The following CHODL variants were observed in gnomAD, a reference collection of about 807,000 sequenced individuals.
The protein encoded by CHODL is chondrolectin.
Under a neutral mutation model 34.5 loss-of-function variants are expected in CHODL, and 29 were observed. That is an observed-to-expected ratio of 0.84 (90% CI 0.63 to 1.15). The LOEUF is 1.15. Ranked by LOEUF, CHODL falls within the 50% of genes most tolerant of loss-of-function variation. The pLI is 0.00. For synonymous variants in CHODL, 125 were observed against 116.1 expected (o/e 1.08, Z -0.49); for missense variants, 332 against 332.5 (o/e 1.00, Z 0.01).
chr21:18,244,066 C>G (rs575316473), upstream of CHODL, among the ~76,000 whole-genome samples: 1 of 152,272 alleles, frequency 6.6e-6, no homozygotes, highest in African/African-American at 2.4e-5. Flanking sequence ...CTTGGGTAGA[C>G]TGTTTTAATA....
intron 1 of CHODL, among the ~76,000 whole-genome samples, chr21:17,995,307 G>A (rs1042815049): frequency 6.6e-5 from 10 of 152,204 alleles, no homozygotes; most frequent in African/African-American, 1.9e-4. Flanking sequence ...ATATGTGAGG[G>A]CCATGGGGCT....
chr21:18,014,116 T>C (rs1344869256), intron 1 of CHODL, among the ~76,000 whole-genome samples: 3 of 152,110 alleles, frequency 2.0e-5, no homozygotes, highest in African/African-American at 7.2e-5. Flanking sequence ...AAGGGAGGTA[T>C]CAGTGTTGAG....
At chr21:18,181,823 CT>C (rs1244648721) in intron 2 of CHODL, among the ~76,000 whole-genome samples, 1 of 152,182 alleles carries the variant, frequency 6.6e-6, no homozygotes, top group Non-Finnish European at 1.5e-5. Flanking sequence ...ACTTCTTTCA[CT>C]TAGGCTAATT....
In CHODL at chr21:17,986,568, C is replaced by A. The variant is rs1251404622; in HGVS notation, c.-144-41304C>A. On this transcript the variant is annotated intron_variant, in intron 1 of 6. Transcript: ENST00000400127. ...CTTTCTTAATCCAGTCTGTCATGGA[C>A]GGACATTTGGGTTGGTTCCAAGTCT... Among the ~76,000 whole-genome samples, 5 of 152,240 alleles carry A rather than the reference C, an allele frequency of 3.3e-5. No homozygotes were observed. In the South Asian group the frequency reaches 1.0e-3, roughly 32 times the overall value.
At chr21:18,154,538 C>T (rs1311292069) in intron 2 of CHODL, among the ~76,000 whole-genome samples, 1 of 152,028 alleles carries the variant, frequency 6.6e-6, no homozygotes, top group East Asian at 1.9e-4. Flanking sequence ...TTCAAAAGCC[C>T]CCAGATACAG....
At chr21:17,925,741 C>T (rs1309470997) in intron 1 of CHODL, among the ~76,000 whole-genome samples, 2 of 152,164 alleles carry the variant, frequency 1.3e-5, no homozygotes, top group Non-Finnish European at 2.9e-5. Context: ...ACATTTTATA[C>T]AGGCAATCCA....
intron 2 of CHODL, among the ~76,000 whole-genome samples, chr21:18,148,483 A>C (rs532657704): frequency 6.6e-6 from 1 of 152,160 alleles, no homozygotes; most frequent in South Asian, 2.1e-4. Flanking sequence ...GACTTGGGGG[A>C]GAATTTGTAG....
chr21:18,126,416 G>A (rs1045764493), intron 2 of CHODL, among the ~76,000 whole-genome samples: 5 of 152,108 alleles, frequency 3.3e-5, no homozygotes, highest in South Asian at 2.1e-4. Flanking sequence ...AAAAAATTGT[G>A]CAACTTGCTT....
intron 2 of CHODL, among the ~76,000 whole-genome samples, chr21:18,192,025 G>C (rs1432341231): frequency 6.6e-6 from 1 of 152,168 alleles, no homozygotes; most frequent in African/African-American, 2.4e-5. Flanking sequence ...TGAGAAAGAG[G>C]AAGGCAAGTA....
At chr21:18,255,170 T>C (rs755932645) in intron 1 of CHODL, among the ~76,000 whole-genome samples, 1 of 152,068 alleles carries the variant, frequency 6.6e-6, no homozygotes, top group Non-Finnish European at 1.5e-5. Context: ...CCCTTCCAAA[T>C]TCAGAGTATT....
intron 2 of CHODL, among the ~76,000 whole-genome samples, chr21:18,095,912 G>A (rs1032312785): frequency 1.2e-4 from 18 of 152,124 alleles, no homozygotes; most frequent in South Asian, 2.1e-4. Context: ...CCATATGATC[G>A]TTTCAGTTGA....
intron 2 of CHODL, among the ~76,000 whole-genome samples, chr21:18,136,117 A>AG (rs1555875211): frequency 8.6e-5 from 12 of 140,220 alleles, no homozygotes; most frequent in Non-Finnish European, 1.9e-4. Context: ...AAAAAAAAAA[A>AG]AGAAAAAGAA....
chr21:17,977,108 T>A (rs575442845), intron 1 of CHODL, among the ~76,000 whole-genome samples: 33 of 152,290 alleles, frequency 2.2e-4, no homozygotes, highest in African/African-American at 7.7e-4. Context: ...TGCTTTTATA[T>A]TTATGGAACC....
rs541282557 is a variant in CHODL at position 18,070,035 on chromosome 21, CA to C, written c.-45+42065del. On this transcript the variant is annotated intron_variant, in intron 2 of 6. Coordinates refer to the CHODL transcript ENST00000400127. ...TTCCCTTCCCTTCCCTCCCCCCCCC[CA>C]CCCATTTCCTTTGCTTTCCTGTTTG... Among the ~76,000 whole-genome samples the C allele has an allele frequency of 8.7e-3, 667 of 77,068 alleles. 25 individuals are homozygous for C. Among genetic ancestry groups the C allele is most frequent in the Non-Finnish European group, 0.014 (474 of 34,828 alleles). The allele number at this position is 77,068 out of a possible 152,430, so 50.6% of individuals were successfully genotyped here.
At chr21:18,029,754 T>A (rs1600914597) in intron 2 of CHODL, among the ~76,000 whole-genome samples, 1 of 152,066 alleles carries the variant, frequency 6.6e-6, no homozygotes, top group East Asian at 1.9e-4. Context: ...TAAGTGAGCC[T>A]CAAGCAAATG....
At chr21:18,258,586 A>C (rs1400410795) in intron 3 of CHODL, among the ~76,000 whole-genome samples, 1 of 152,058 alleles carries the variant, frequency 6.6e-6, no homozygotes, top group African/African-American at 2.4e-5. Flanking sequence ...TACATTACTC[A>C]TGCAAGAGCA....
chr21:18,095,556 CT>C (rs2065129975), intron 2 of CHODL, among the ~76,000 whole-genome samples: 6 of 152,126 alleles, frequency 3.9e-5, no homozygotes, highest in Admixed American at 3.9e-4. Context: ...AATGGCTTCA[CT>C]GTGAATCCTA....
intron 1 of CHODL, among the ~76,000 whole-genome samples, chr21:17,974,990 C>T (rs1172838809): frequency 6.7e-6 from 1 of 148,976 alleles, no homozygotes; most frequent in Non-Finnish European, 1.5e-5. Context: ...ATATGTAAAA[C>T]CTATTGTATT....
At chr21:18,024,795 G>C (rs1409115982) in intron 1 of CHODL, 1 of 152,100 alleles carries the variant, frequency 6.6e-6, no homozygotes, top group East Asian at 1.9e-4. Context: ...GAGTTTATTT[G>C]GCTAATCCAT....
Sources: allele counts gnomAD v4.1 joint callset (sites outside exome capture counted in the v4.1 genomes callset), GRCh38; gene constraint gnomAD v4.1.1; transcripts MANE v1.5; gene names NCBI Gene and HGNC (gene_info 2026-07-23, HGNC 2026-07-21).